The following ZNF608 variants were observed in gnomAD, a reference collection of about 807,000 sequenced individuals.
ZNF608 encodes zinc finger protein 608.
ZNF608 carries 12 observed loss-of-function variants against 109.0 expected under a neutral mutation model. The ratio of observed to expected loss-of-function variants is 0.11; its 90% CI spans 0.07 to 0.18. The LOEUF (loss-of-function observed/expected upper bound fraction) is 0.18, where lower values mean the gene tolerates loss of function less well. ZNF608 is among the 10% of genes least tolerant of loss of function. The pLI, the probability that ZNF608 is intolerant of heterozygous loss-of-function variation, is 1.00. For missense variants in ZNF608, 1,707 were observed against 1,879.3 expected (o/e 0.91, Z 1.70); for synonymous variants, 732 against 717.4 (o/e 1.02, Z -0.33).
intron 8 of ZNF608, among the ~76,000 whole-genome samples, chr5:124,639,738 T>C (rs917515538): frequency 6.6e-6 from 1 of 152,228 alleles, no homozygotes; most frequent in Non-Finnish European, 1.5e-5. Context: ...AGTCAGAGAC[T>C]GTAATAGCTC....
intron 2 of ZNF608, among the ~76,000 whole-genome samples, chr5:124,740,922 C>T (rs1462889062): frequency 6.6e-6 from 1 of 152,086 alleles, no homozygotes; most frequent in African/African-American, 2.4e-5. Context: ...CAGCTGAATG[C>T]CTCCCTATCT....
intron 2 of ZNF608, among the ~76,000 whole-genome samples, chr5:124,731,700 T>C (rs1448651421): frequency 2.0e-5 from 3 of 151,786 alleles, no homozygotes; most frequent in Non-Finnish European, 4.4e-5. Context: ...CTGGTGGGTG[T>C]CTGTAATCCC....
At chr5:124,681,372 A>T (rs1194065781) in intron 3 of ZNF608, among the ~76,000 whole-genome samples, 2 of 152,052 alleles carry the variant, frequency 1.3e-5, no homozygotes, top group Non-Finnish European at 2.9e-5. Flanking sequence ...CAGGAGAATC[A>T]CTTGAACTAA....
chr5:124,651,898 C>T (rs184841459), intron 3 of ZNF608, among the ~76,000 whole-genome samples: 1 of 152,242 alleles, frequency 6.6e-6, no homozygotes, highest in Non-Finnish European at 1.5e-5. Context: ...CTGCGCTGCT[C>T]GGCTCCCTCG....
chr5:124,673,946 A>T (rs1371010623), intron 3 of ZNF608, among the ~76,000 whole-genome samples: 1 of 152,148 alleles, frequency 6.6e-6, no homozygotes, highest in African/African-American at 2.4e-5. Flanking sequence ...TTTTTTAATT[A>T]TTCAAAAGAT....
intron 2 of ZNF608, among the ~76,000 whole-genome samples, chr5:124,714,342 C>T (rs1753612643): frequency 6.6e-6 from 1 of 151,894 alleles, no homozygotes; most frequent in South Asian, 2.1e-4. Flanking sequence ...ACAAGCCCTC[C>T]TAGAAACTTG....
At chr5:124,707,569 G>A (rs981225546) in intron 2 of ZNF608, among the ~76,000 whole-genome samples, 9 of 152,114 alleles carry the variant, frequency 5.9e-5, no homozygotes, top group South Asian at 2.1e-4. Context: ...TAATGTTCAC[G>A]TTTTCTCCAT....
At chr5:124,662,665 C>T (rs376647627) in intron 3 of ZNF608, among the ~76,000 whole-genome samples, 1 of 152,242 alleles carries the variant, frequency 6.6e-6, no homozygotes, top group African/African-American at 2.4e-5. Context: ...CGACTTCAAG[C>T]CTTTTCCAGA....
intron 3 of ZNF608, among the ~76,000 whole-genome samples, chr5:124,671,213 T>C (rs6895878): frequency 0.32 from 48,108 of 151,970 alleles, 8,747 homozygotes; most frequent in African/African-American, 0.5. Context: ...GATTATAAAC[T>C]AAGTAGATAA....
At chr5:124,679,839 T>C (rs1170762092) in intron 3 of ZNF608, among the ~76,000 whole-genome samples, 1 of 152,256 alleles carries the variant, frequency 6.6e-6, no homozygotes, top group African/African-American at 2.4e-5. Context: ...TCCATGCATC[T>C]GTCCCTTGTA....
intron 2 of ZNF608, among the ~76,000 whole-genome samples, chr5:124,726,438 T>C (rs957905335): frequency 1.3e-5 from 2 of 152,052 alleles, no homozygotes. Flanking sequence ...ATCCAGGTAT[T>C]TTCCTTAATT....
At chr5:124,703,089 GT>G (rs375528536) in intron 2 of ZNF608, among the ~76,000 whole-genome samples, 217 of 148,340 alleles carry the variant, frequency 1.5e-3, no homozygotes, top group African/African-American at 4.2e-3. Context: ...TAAACCAGTG[GT>G]TTTTTTTTTG....
At chr5:124,678,544 A>G (rs1445841728) in intron 3 of ZNF608, among the ~76,000 whole-genome samples, 2 of 152,180 alleles carry the variant, frequency 1.3e-5, no homozygotes, top group Non-Finnish European at 2.9e-5. Flanking sequence ...CATTCCCACC[A>G]CAATGGGCTG....
chr5:124,670,757 A>G (rs954503775), intron 3 of ZNF608, among the ~76,000 whole-genome samples: 1 of 152,224 alleles, frequency 6.6e-6, no homozygotes, highest in Non-Finnish European at 1.5e-5. Flanking sequence ...GTTCCATCAC[A>G]CAAAACCCTT....
At chr5:124,714,522 A>T (rs1204815079) in intron 2 of ZNF608, among the ~76,000 whole-genome samples, 3 of 152,198 alleles carry the variant, frequency 2.0e-5, no homozygotes, top group African/African-American at 4.8e-5. Flanking sequence ...CTGTGCTTCA[A>T]TCTCAGATCA....
Position 124,648,784 on chromosome 5 carries a change from G to A in ZNF608, c.1600C>T (p.Pro534Ser). ...AAAGTAGTCTCTGGTTTCCCTTGAG[G>A]GGTAGTGGGAGTGCTTCTGGAATTT... is the stretch of plus-strand genomic sequence containing the variant. ...RTNSRSTPTT[P>S]QGKPETTFLD... The change falls in exon 5 of 10, where the codon CCT becomes TCT. Residue 534 changes from proline (P) to serine (S), a missense_variant. By Grantham distance (74) the Pro-to-Ser change is moderately conservative. Around this residue, in one of 7 missense-constraint regions of ZNF608, gnomAD observed 166 missense variants for 204.2 expected, o/e 0.81. Coordinates refer to ENST00000513986, the MANE Select transcript of ZNF608 (RefSeq NM_020747.3). 6.2e-7 allele frequency: 1 copy of A among 1,614,238 alleles called. No individual in the cohort carries two copies. The highest frequency in any genetic ancestry group is 8.5e-7 in the Non-Finnish European group (1 of 1,180,034).
At chr5:124,670,141 T>G (rs979461707) in intron 3 of ZNF608, among the ~76,000 whole-genome samples, 1 of 152,154 alleles carries the variant, frequency 6.6e-6, no homozygotes, top group Admixed American at 6.5e-5. Flanking sequence ...CACACTAATC[T>G]CTTCTGGCAA....
At chr5:124,732,846 G>A (rs1748967524) in intron 2 of ZNF608, among the ~76,000 whole-genome samples, 2 of 152,054 alleles carry the variant, frequency 1.3e-5, no homozygotes, top group South Asian at 2.1e-4. Flanking sequence ...GAGCAAACAG[G>A]AAGATTCAGC....
intron 3 of ZNF608, among the ~76,000 whole-genome samples, chr5:124,691,312 T>C (rs1752619756): frequency 6.6e-6 from 1 of 151,716 alleles, no homozygotes; most frequent in Admixed American, 6.6e-5. Context: ...AACCCTTGAA[T>C]AGACTTTTCT....
Sources: allele counts gnomAD v4.1 joint callset (sites outside exome capture counted in the v4.1 genomes callset), GRCh38; gene constraint gnomAD v4.1.1; regional missense constraint gnomAD v4.1.1; transcripts MANE v1.5; gene names NCBI Gene and HGNC (gene_info 2026-07-23, HGNC 2026-07-21).